The following UGT1A4 variants were observed in gnomAD, a reference collection of about 807,000 sequenced individuals.
UGT1A4 encodes UDP glucuronosyltransferase family 1 member A4, also known as UDP-glucuronosyltransferase 1A4.
Under a neutral mutation model 41.1 loss-of-function variants are expected in UGT1A4, and 32 were observed. The observed-to-expected ratio is 0.78, with a 90% CI of 0.59 to 1.05. The LOEUF is 1.05. UGT1A4 is among the 50% of genes least tolerant of loss of function. The pLI, the probability that UGT1A4 is intolerant of heterozygous loss-of-function variation, is 0.00. For synonymous variants in UGT1A4, 283 were observed against 265.1 expected (o/e 1.07, Z -0.66); for missense variants, 748 against 677.4 (o/e 1.10, Z -1.16).
intron 1 of UGT1A4, chr2:233,755,163 G>C: frequency 2.3e-6 from 3 of 1,285,674 alleles, no homozygotes; most frequent in Non-Finnish European, 3.2e-6. Flanking sequence ...CCTGTCCTCG[G>C]GGTTTTTGTC....
chr2:233,760,963 G>A (rs761943511), intron 1 of UGT1A4: 5 of 1,614,162 alleles, frequency 3.1e-6, no homozygotes, highest in African/African-American at 1.3e-5. Flanking sequence ...GTGCGACGTG[G>A]TTTATTCCCC....
intron 1 of UGT1A4, chr2:233,755,125 C>T (rs1380878187): frequency 3.0e-6 from 4 of 1,325,936 alleles, no homozygotes; most frequent in Non-Finnish European, 4.1e-6. Flanking sequence ...GCCTCAGCCA[C>T]CTGCTTGAAT....
At chr2:233,740,735 C>T (rs1403537292) in intron 1 of UGT1A4, 2 of 151,614 alleles carry the variant, frequency 1.3e-5, no homozygotes, top group Non-Finnish European at 2.9e-5. Flanking sequence ...AGGAAATGCC[C>T]CCTTTTACAC....
chr2:233,740,284 G>T (rs932768125), intron 1 of UGT1A4, among the ~76,000 whole-genome samples: 1 of 151,852 alleles, frequency 6.6e-6, no homozygotes, highest in Non-Finnish European at 1.5e-5. Flanking sequence ...ATACTGAAAG[G>T]GTTTAAAGGA....
At chr2:233,736,387 T>C (rs1375947761) in intron 1 of UGT1A4, among the ~76,000 whole-genome samples, 2 of 152,190 alleles carry the variant, frequency 1.3e-5, no homozygotes, top group African/African-American at 2.4e-5. Flanking sequence ...TTCTCTACAG[T>C]GTTTATTCTA....
intron 1 of UGT1A4, among the ~76,000 whole-genome samples, chr2:233,721,219 T>C (rs535662083): frequency 2.0e-5 from 3 of 152,354 alleles, no homozygotes; most frequent in African/African-American, 7.2e-5. Flanking sequence ...TTTCCCCTTA[T>C]GCAATGTAGT....
chr2:233,738,821 A>C (rs1039985874), intron 1 of UGT1A4: 1 of 152,270 alleles, frequency 6.6e-6, no homozygotes, highest in African/African-American at 2.4e-5. Context: ...AATTTGAATA[A>C]ATAAGGAGGA....
chr2:233,761,456 C>A (rs938437013), intron 1 of UGT1A4, among the ~76,000 whole-genome samples: 1 of 152,214 alleles, frequency 6.6e-6, no homozygotes, highest in African/African-American at 2.4e-5. Context: ...GGGTTTGGGG[C>A]ACCCTGCAGA....
In UGT1A4 at chr2:233,719,629, T is replaced by C; in HGVS notation, c.809T>C (p.Met270Thr). Reference protein sequence around the residue: ...DFVMDYPRPIMPNMVFIGGIN... With the variant: ...DFVMDYPRPITPNMVFIGGIN... ...GTGATGGACTACCCCAGGCCGATCA[T>C]GCCCAACATGGTCTTCATTGGGGGC... Residue 270 changes from methionine to threonine, a missense_variant, in exon 1 of 5, where the codon ATG becomes ACG. Met to Thr is a moderately conservative substitution (Grantham distance 81). Coordinates refer to ENST00000373409, the MANE Select transcript of UGT1A4 (RefSeq NM_007120.3). 1 of 1,614,102 alleles carries C rather than the reference T, an allele frequency of 6.2e-7. No homozygotes were observed. The highest frequency in any genetic ancestry group is 1.7e-5 in the Admixed American group (1 of 60,024).
At chr2:233,755,374 C>G (rs1205727870) in intron 1 of UGT1A4, 3 of 355,518 alleles carry the variant, frequency 8.4e-6, no homozygotes, top group South Asian at 6.7e-5. Flanking sequence ...CCTGGAGGGC[C>G]GCCCCTTATG....
chr2:233,730,335 A>G (rs923497245), intron 1 of UGT1A4, among the ~76,000 whole-genome samples: 1 of 152,192 alleles, frequency 6.6e-6, no homozygotes, highest in Non-Finnish European at 1.5e-5. Flanking sequence ...CTACGTTTGG[A>G]ACTGATCCAT....
At chr2:233,754,387 G>C in intron 1 of UGT1A4, 1 of 304,284 alleles carries the variant, frequency 3.3e-6, no homozygotes, top group South Asian at 3.1e-5. Context: ...ACAAACAGAG[G>C]TCCTATCCGT....
Position 233,724,644 on chromosome 2 carries a change from G to T in UGT1A4, c.867+4957G>T, listed in dbSNP as rs1189293479. Among the ~76,000 whole-genome samples, 3 of 141,266 alleles carry T rather than the reference G, an allele frequency of 2.1e-5. 1 individual carries two copies. Among genetic ancestry groups the T allele is most frequent in the Admixed American group, 2.1e-4 (3 of 14,230 alleles). The allele number at this position is 141,266 out of a possible 152,430, so 92.7% of individuals were successfully genotyped here. A position where few individuals can be genotyped will look rare whatever the true frequency, so the allele number is the denominator to read the frequency against. ...CTCCTCACTTCCTAGATGTGATGGC[G>T]GCTGGGAAGAGGCGCTCCTCACTTC... On this transcript the variant is annotated intron_variant, in intron 1 of 4. Coordinates refer to ENST00000373409, the MANE Select transcript of UGT1A4 (RefSeq NM_007120.3).
chr2:233,762,200 T>G (rs1698000508), intron 1 of UGT1A4, among the ~76,000 whole-genome samples: 1 of 152,188 alleles, frequency 6.6e-6, no homozygotes, highest in African/African-American at 2.4e-5. Flanking sequence ...TGGGTCTGCA[T>G]GTATTTGGCG....
intron 1 of UGT1A4, chr2:233,743,413 C>T: frequency 7.6e-7 from 1 of 1,324,104 alleles, no homozygotes; most frequent in South Asian, 1.2e-5. Context: ...GCCCCCACTT[C>T]CCAGGGAGCC....
At chr2:233,732,524 A>G (rs1199898466) in intron 1 of UGT1A4, among the ~76,000 whole-genome samples, 2 of 152,212 alleles carry the variant, frequency 1.3e-5, no homozygotes, top group African/African-American at 2.4e-5. Context: ...AGCTTTCTAC[A>G]TATGGCCAGT....
At chr2:233,727,618 G>A (rs577107936) in intron 1 of UGT1A4, among the ~76,000 whole-genome samples, 2 of 152,292 alleles carry the variant, frequency 1.3e-5, no homozygotes, top group South Asian at 2.1e-4. Context: ...TTCAGAGGCT[G>A]AGAGGTTGCA....
At chr2:233,768,989 C>A (rs947388091) in intron 4 of UGT1A4, among the ~76,000 whole-genome samples, 2 of 152,024 alleles carry the variant, frequency 1.3e-5, no homozygotes, top group African/African-American at 4.8e-5. Context: ...TTATTTCCCC[C>A]ATTAGATTTA....
At chr2:233,764,979 T>C (rs775533661) in intron 1 of UGT1A4, among the ~76,000 whole-genome samples, 2 of 151,670 alleles carry the variant, frequency 1.3e-5, no homozygotes, top group Non-Finnish European at 2.9e-5. Flanking sequence ...GGATGGTCAG[T>C]GTCTGGGGCT....
Sources: gnomAD v4.1 joint callset for allele counts (sites outside exome capture counted in the v4.1 genomes callset) on GRCh38, gnomAD v4.1.1 for gene constraint, MANE v1.5 for transcripts, NCBI Gene and HGNC (gene_info 2026-07-23, HGNC 2026-07-21) for gene names.